NDUFA8: variants seen among roughly 807,000 people sequenced by gnomAD.
NDUFA8 encodes NADH dehydrogenase [ubiquinone] 1 alpha subcomplex subunit 8.
NDUFA8 carries 16 observed loss-of-function variants against 20.9 expected under a neutral mutation model. That is an observed-to-expected ratio of 0.77 (90% CI 0.52 to 1.16). NDUFA8 has a LOEUF of 1.16. Among genes scored for constraint, NDUFA8 ranks in the 50% most tolerant of loss-of-function variants. The pLI, the probability that NDUFA8 is intolerant of heterozygous loss-of-function variation, is 0.00. For missense variants in NDUFA8, 202 were observed against 216.4 expected, an observed-to-expected ratio of 0.93 and a Z score of 0.42; for synonymous variants, 70 against 76.1, an observed-to-expected ratio of 0.92 and a Z score of 0.41.
At chr9:122,134,214 A>G in the NDUFA8 span, among the ~76,000 whole-genome samples, 1 of 152,202 alleles carries the variant, frequency 6.6e-6, no homozygotes, top group Admixed American at 6.5e-5. Context: ...TTCAGAGTCA[A>G]TTCACCTTTT....
chr9:122,142,437 C>T, downstream of NDUFA8, among the ~76,000 whole-genome samples: 1 of 152,186 alleles, frequency 6.6e-6, no homozygotes, highest in Non-Finnish European at 1.5e-5. Context: ...ACACCAATTA[C>T]AACAGAATCT....
chr9:122,152,330 T>C lies in NDUFA8; in HGVS notation c.130A>G (p.Met44Val), dbSNP rs149881897. Reference protein sequence around the residue: ...AQCDKPNKEFMLCRWEEKDPR... With the variant: ...AQCDKPNKEFVLCRWEEKDPR... ...TCTTTCTCTTCCCAGCGGCAGAGCA[T>C]AAACTCCTTGTTGGGCTTATCACAT... The change falls in exon 2 of 4, where the codon ATG becomes GTG. Residue 44 changes from methionine (M) to valine (V), a missense_variant. Met to Val is a conservative substitution (Grantham distance 21). Coordinates refer to ENST00000373768, the MANE Select transcript of NDUFA8 (RefSeq NM_014222.3). 706 of 1,614,164 alleles carry C rather than the reference T, an allele frequency of 4.4e-4. 1 individual carries two copies. Among genetic ancestry groups the C allele is most frequent in the Non-Finnish European group, 5.4e-4 (642 of 1,180,030 alleles).
chr9:122,148,197 T>C lies in NDUFA8; in HGVS notation c.296A>G (p.His99Arg). Residue 99 changes from histidine (H) to arginine (R), a missense_variant, in exon 3 of 4, where the codon CAC becomes CGC. Coordinates refer to ENST00000373768, the MANE Select transcript of NDUFA8 (RefSeq NM_014222.3). The stretch of plus-strand genomic sequence containing the variant: ...AAACTTTGCCTGCTGTTTGCGACAG[T>C]GACGAAATAACTGCTGGCCAGTATA... ...IDYTGQQLFR[H>R]CRKQQAKFDE... is the part of the protein sequence containing the mutation. 1.2e-6 allele frequency: 2 copies of C among 1,614,166 alleles called. No individual in the cohort carries two copies. The highest frequency in any genetic ancestry group is 8.5e-7 in the Non-Finnish European group (1 of 1,180,036).
intron 2 of NDUFA8, among the ~76,000 whole-genome samples, chr9:122,151,272 C>G (rs961970719): frequency 6.6e-6 from 1 of 152,158 alleles, no homozygotes. Context: ...CCTTTGGGAA[C>G]AACCCCTCCC....
Position 122,148,195 on chromosome 9 carries a change from A to G in NDUFA8, c.298T>C (p.Cys100Arg). Residue 100 changes from cysteine to arginine, a missense_variant, in exon 3 of 4, where the codon TGT becomes CGT. Transcript: ENST00000373768. ...TCAAACTTTGCCTGCTGTTTGCGAC[A>G]GTGACGAAATAACTGCTGGCCAGTA... ...DYTGQQLFRH[C>R]RKQQAKFDEC... 1.2e-6 allele frequency: 2 copies of G among 1,614,216 alleles called. No individual in the cohort carries two copies. Among genetic ancestry groups the G allele is most frequent in the Non-Finnish European group, 1.7e-6 (2 of 1,180,044 alleles).
At chr9:122,147,835 C>T (rs760755152) in intron 3 of NDUFA8, among the ~76,000 whole-genome samples, 4 of 152,042 alleles carry the variant, frequency 2.6e-5, no homozygotes, top group East Asian at 1.9e-4. Flanking sequence ...ACCATGTTAG[C>T]GAGGATGGTC....
intron 2 of NDUFA8, among the ~76,000 whole-genome samples, chr9:122,150,698 G>C (rs962127577): frequency 6.6e-6 from 1 of 151,942 alleles, no homozygotes; most frequent in Non-Finnish European, 1.5e-5. Flanking sequence ...GGCCAGGTGC[G>C]GTGGCTCACA....
At chr9:122,139,236 G>C (rs1828787049), downstream of NDUFA8, among the ~76,000 whole-genome samples, 1 of 152,134 alleles carries the variant, frequency 6.6e-6, no homozygotes, top group Non-Finnish European at 1.5e-5. Flanking sequence ...TGCAGACTGG[G>C]ACACTCTTCC....
chr9:122,154,160 A>AT (rs1198156310), intron 1 of NDUFA8, among the ~76,000 whole-genome samples: 5 of 152,232 alleles, frequency 3.3e-5, no homozygotes, highest in Non-Finnish European at 4.4e-5. Context: ...TACTGTAAAG[A>AT]TATCAATTCT....
chr9:122,152,527 A>C (rs1054732553), intron 1 of NDUFA8, 119 bp from the exon 2 acceptor site: 8 of 938,280 alleles, frequency 8.5e-6, no homozygotes, highest in Non-Finnish European at 1.1e-5. Context: ...TGACTTTACC[A>C]AGAAAATTAA....
downstream of NDUFA8, among the ~76,000 whole-genome samples, chr9:122,139,177 C>T (rs993097061): frequency 2.0e-5 from 3 of 152,168 alleles, no homozygotes; most frequent in Non-Finnish European, 4.4e-5. Context: ...TGAAGCACAG[C>T]GAGCCCTGCC....
At chr9:122,139,622 T>C (rs1342600010), downstream of NDUFA8, among the ~76,000 whole-genome samples, 1 of 152,202 alleles carries the variant, frequency 6.6e-6, no homozygotes, top group Non-Finnish European at 1.5e-5. Context: ...ACAAAGTATT[T>C]ATGAGTATGA....
Position 122,159,645 on chromosome 9 carries a change from C to G in NDUFA8, c.33G>C (p.Glu11Asp). The G allele has an allele frequency of 6.2e-7, 1 of 1,614,162 alleles. No homozygotes were observed. The highest frequency in any genetic ancestry group is 8.5e-7 in the Non-Finnish European group (1 of 1,180,008). The change falls in exon 1 of 4, where the codon GAG becomes GAC. Residue 11 changes from glutamate to aspartate, a missense_variant. Glu to Asp is a conservative substitution (Grantham distance 45). Transcript: ENST00000373768. ...GCCTCACCTCATCTACTTTCAGCTC[C>G]TCTAGAGTGGGCAGCTCCACTATCC... is the stretch of plus-strand genomic sequence containing the variant. MPGIVELPTL[E>D]ELKVDEVKIS... is the part of the protein sequence containing the mutation.
chr9:122,159,742 CCCTTT>C lies in NDUFA8; in HGVS notation c.-70_-66del. Reference sequence around the variant, plus strand: ...GCGTCGCCCCCGTCTCCTTGAACTCCCCTTTCGACCGCCGAGTGCCACACGGCGCC... The same window carrying C: ...GCGTCGCCCCCGTCTCCTTGAACTCCCGACCGCCGAGTGCCACACGGCGCC... On this transcript the variant is annotated 5_prime_UTR_variant, in exon 1 of 4. It removes the in-frame stop codon of an upstream open reading frame in the 5' UTR. Transcript: ENST00000373768. 1 of 1,609,906 alleles carries C rather than the reference CCCTTT, an allele frequency of 6.2e-7. No homozygotes were observed. Among genetic ancestry groups the C allele is most frequent in the Non-Finnish European group, 8.5e-7 (1 of 1,177,010 alleles).
In NDUFA8 at chr9:122,144,277, G is replaced by A; in HGVS notation, c.483C>T (p.Ala161=). The change falls in exon 4 of 4, where the codon GCC becomes GCT. Residue 161 remains alanine (A), a synonymous_variant. Coordinates refer to ENST00000373768, the MANE Select transcript of NDUFA8 (RefSeq NM_014222.3). The part of the protein sequence containing the change: ...SPEIEGDLQP[A]THGSRFYFWT... ...AGAAATAAAAGCGGCTGCCATGTGT[G>A]GCAGGCTGCAGATCTCCCTCGATCT... 6.2e-7 allele frequency: 1 copy of A among 1,614,128 alleles called. No homozygotes were observed. Among genetic ancestry groups the A allele is most frequent in the Non-Finnish European group, 8.5e-7 (1 of 1,180,010 alleles).
At chr9:122,139,086 G>A (rs1427157947), downstream of NDUFA8, among the ~76,000 whole-genome samples, 1 of 152,184 alleles carries the variant, frequency 6.6e-6, no homozygotes, top group African/African-American at 2.4e-5. Flanking sequence ...AAAGGTGGAA[G>A]TATTATAGAT....
downstream of NDUFA8, among the ~76,000 whole-genome samples, chr9:122,142,937 C>A (rs4147662): frequency 0.86 from 130,522 of 152,222 alleles, 56,474 homozygotes; most frequent in African/African-American, 0.97. Context: ...AAAAAAAAGT[C>A]TTATTTTTCA....
downstream of NDUFA8, among the ~76,000 whole-genome samples, chr9:122,139,758 A>C (rs149355513): frequency 0.013 from 1,977 of 152,280 alleles, 46 homozygotes; most frequent in African/African-American, 0.045. Flanking sequence ...CGGTGGCATG[A>C]TCTCAGCTCA....
At chr9:122,134,949 A>T in the NDUFA8 span, among the ~76,000 whole-genome samples, 1 of 152,244 alleles carries the variant, frequency 6.6e-6, no homozygotes, top group Admixed American at 6.5e-5. Flanking sequence ...CCAAATGCGG[A>T]GAGCTGCACA....
Sources: gnomAD v4.1 joint callset for allele counts (sites outside exome capture counted in the v4.1 genomes callset) on GRCh38, gnomAD v4.1.1 for gene constraint, MANE v1.5 for transcripts, NCBI Gene and HGNC (gene_info 2026-07-23, HGNC 2026-07-21) for gene names.